The following CASK variants were observed in gnomAD, a reference collection of about 807,000 sequenced individuals.
CASK encodes the protein calcium/calmodulin dependent serine protein kinase, also known as peripheral plasma membrane protein CASK.
In CASK, 4 loss-of-function variants were observed where a neutral mutation model predicts 82.9. The ratio of observed to expected loss-of-function variants is 0.05; its 90% CI spans 0.02 to 0.11. The LOEUF is 0.11. Ranked by LOEUF, CASK falls within the 10% of genes least tolerant of loss-of-function variation. The pLI, the probability that CASK is intolerant of heterozygous loss-of-function variation, is 1.00. For synonymous variants in CASK, 259 were observed against 253.5 expected (o/e 1.02, Z -0.20); for missense variants, 358 against 720.9 (o/e 0.50, Z 5.76).
At chrX:41,537,271 T>C (rs1004868697) in intron 22 of CASK, among the ~76,000 whole-genome samples, 3 of 111,653 alleles carry the variant, frequency 2.7e-5, no homozygotes, top group Admixed American at 1.9e-4. Context: ...CTAAATGAAA[T>C]TGCCACACGG....
At chrX:41,667,603 A>C (rs1036231784) in intron 6 of CASK, among the ~76,000 whole-genome samples, 1 of 111,370 alleles carries the variant, frequency 9.0e-6, no homozygotes, top group African/African-American at 3.3e-5. Context: ...TTGTTTTAAT[A>C]ATTTTTTTGC....
intron 5 of CASK, chrX:41,683,288 C>CA (rs1006238568): frequency 1.8e-5 from 2 of 111,808 alleles, no homozygotes; most frequent in Non-Finnish European, 3.8e-5. Flanking sequence ...GGCCAGTTCA[C>CA]ACCCCTCCTT....
intron 5 of CASK, among the ~76,000 whole-genome samples, chrX:41,734,979 C>T (rs1343402377): frequency 1.8e-5 from 2 of 111,028 alleles, no homozygotes; most frequent in African/African-American, 6.5e-5. Context: ...CAAATCTAAC[C>T]AAATAATCCT....
At chrX:41,549,170 T>C (rs1002360858) in intron 21 of CASK, among the ~76,000 whole-genome samples, 2 of 112,082 alleles carry the variant, frequency 1.8e-5, no homozygotes, top group Admixed American at 9.4e-5. Flanking sequence ...ATGTGAAGAA[T>C]GTGACTTGGT....
At position 41,719,729 on chromosome X, in the gene CASK, C is replaced by T. The variant is rs189793635; in HGVS notation, c.429+19655G>A. Reference sequence around the variant, plus strand: ...ACGGGACCTCGCATTCTGTATCTGTCCCGATTGGCTAGCAACTTAGAACTT... The same window carrying T: ...ACGGGACCTCGCATTCTGTATCTGTTCCGATTGGCTAGCAACTTAGAACTT... On this transcript the variant is annotated intron_variant, in intron 5 of 26. Coordinates refer to ENST00000378163, the MANE Select transcript of CASK (RefSeq NM_001367721.1). Among the ~76,000 whole-genome samples the T allele has an allele frequency of 1.6e-3, 175 of 111,700 alleles. 1 individual carries two copies. The highest frequency in any genetic ancestry group is 5.4e-3 in the African/African-American group (167 of 30,718).
chrX:41,820,640 A>G (rs1483459243), intron 2 of CASK, among the ~76,000 whole-genome samples: 1 of 111,083 alleles, frequency 9.0e-6, no homozygotes, highest in Non-Finnish European at 1.9e-5. Context: ...CATTGCAGAA[A>G]TTCACAAATT....
intron 9 of CASK, among the ~76,000 whole-genome samples, chrX:41,635,441 A>T (rs1602384716): frequency 1.8e-5 from 2 of 112,021 alleles, no homozygotes; most frequent in African/African-American, 6.5e-5. Flanking sequence ...TCATGTGACT[A>T]AGGAAGACTA....
chrX:41,708,666 C>G (rs1326630516), intron 5 of CASK, among the ~76,000 whole-genome samples: 1 of 112,098 alleles, frequency 8.9e-6, no homozygotes, highest in African/African-American at 3.2e-5. Flanking sequence ...TTCAAAAAAT[C>G]CCCAAACTTT....
At chrX:41,902,646 T>G (rs2072404023) in intron 1 of CASK, among the ~76,000 whole-genome samples, 1 of 112,109 alleles carries the variant, frequency 8.9e-6, no homozygotes, top group African/African-American at 3.2e-5. Flanking sequence ...GGGCCATGAT[T>G]TAGCCTACTA....
At chrX:41,646,065 C>T (rs2066752747) in intron 8 of CASK, among the ~76,000 whole-genome samples, 1 of 111,324 alleles carries the variant, frequency 9.0e-6, no homozygotes, top group African/African-American at 3.3e-5. Context: ...CGGACATGCA[C>T]CTAGTTGCAT....
At chrX:41,542,568 T>G (rs1273929372) in intron 22 of CASK, 123 bp downstream of exon 22, 1 of 487,450 alleles carries the variant, frequency 2.1e-6, no homozygotes, top group African/African-American at 2.4e-5. Context: ...TGAAAGTTGA[T>G]GAAGATCTCA....
chrX:41,830,004 T>G (rs1190999957), intron 2 of CASK, among the ~76,000 whole-genome samples: 9 of 106,033 alleles, frequency 8.5e-5, no homozygotes, highest in African/African-American at 2.7e-4. Context: ...AATATCTTTT[T>G]TTTTGTTTTG....
rs2067195270 is a variant in CASK at position 41,671,363 on chromosome X, A to T, written c.532+65T>A. On this transcript the variant is annotated intron_variant, in intron 6 of 26. Transcript: ENST00000378163. ...TGAGGTTGGGCTAATATGTAGCTTG[A>T]AAGTTTTATACCAGTCGCAAGTGAC... The T allele has an allele frequency of 7.4e-6, 5 of 678,513 alleles. No homozygotes were observed. The Admixed American group carries it at 9.4e-5, about 13-fold the overall frequency. 55.9% of individuals were successfully genotyped at this position (678,513 alleles called of 1,213,427 possible).
chrX:41,580,110 G>A (rs912386252), intron 14 of CASK, among the ~76,000 whole-genome samples: 8 of 112,223 alleles, frequency 7.1e-5, no homozygotes, highest in African/African-American at 2.6e-4. Flanking sequence ...CTGAGCCCAA[G>A]TATAGAGGCT....
chrX:41,681,176 G>T (rs1031116559), intron 5 of CASK, among the ~76,000 whole-genome samples: 1 of 111,420 alleles, frequency 9.0e-6, no homozygotes. Context: ...AGAAAAAGGT[G>T]AAGGATGACT....
At chrX:41,801,302 A>G (rs1602644596) in intron 2 of CASK, among the ~76,000 whole-genome samples, 1 of 111,574 alleles carries the variant, frequency 9.0e-6, no homozygotes, top group African/African-American at 3.3e-5. Context: ...AGGACTCCCA[A>G]TACGCCTTGC....
Position 41,626,695 on chromosome X carries a change from T to A in CASK, c.924A>T (p.Val308=). ...ATTTGTGACTTGACACAGCGGCTAG[T>A]ACTGCACCCTAAAACAAAGAGATGA... ...FNARRKLKGA[V]LAAVSSHKFN... The change falls in exon 10 of 27, where the codon GTA becomes GTT. Residue 308 remains valine (V), a synonymous_variant. Transcript: ENST00000378163. 1 of 1,153,880 alleles carries A rather than the reference T, an allele frequency of 8.7e-7. No individual in the cohort carries two copies. Among genetic ancestry groups the A allele is most frequent in the African/African-American group, 1.8e-5 (1 of 56,828 alleles).
At chrX:41,693,149 TTAC>T (rs781082387) in intron 5 of CASK, among the ~76,000 whole-genome samples, 4 of 111,451 alleles carry the variant, frequency 3.6e-5, no homozygotes, top group Non-Finnish European at 7.5e-5. Flanking sequence ...CAAAATCACA[TTAC>T]TTCTTGTGCC....
intron 3 of CASK, among the ~76,000 whole-genome samples, chrX:41,750,359 T>C (rs934333723): frequency 5.3e-5 from 6 of 112,294 alleles, no homozygotes; most frequent in African/African-American, 1.9e-4. Context: ...TATTTGATAA[T>C]ATAATGATTC....
Sources: gnomAD v4.1 joint callset for allele counts (sites outside exome capture counted in the v4.1 genomes callset) on GRCh38, gnomAD v4.1.1 for gene constraint, MANE v1.5 for transcripts, NCBI Gene and HGNC (gene_info 2026-07-23, HGNC 2026-07-21) for gene names.